The following EPG5 variants were observed in gnomAD, a reference collection of about 807,000 sequenced individuals.
EPG5 encodes the protein ectopic P-granules 5 autophagy tethering factor, also known as ectopic P granules protein 5 homolog.
Under a neutral mutation model 302.7 loss-of-function variants are expected in EPG5, and 159 were observed. The observed-to-expected ratio is 0.53, with a 90% confidence interval of 0.46 to 0.60. EPG5 has a LOEUF of 0.60. Among genes scored for constraint, EPG5 ranks in the 20% least tolerant of loss-of-function variants. The pLI, the probability that EPG5 is intolerant of heterozygous loss-of-function variation, is 0.00. For synonymous variants in EPG5, 1,158 were observed against 1,136.8 expected (o/e 1.02, Z -0.37); for missense variants, 2,896 against 3,092.4 (o/e 0.94, Z 1.51).
In EPG5 at chr18:45,951,183, A is replaced by G. The variant is rs2050900008; in HGVS notation, c.1308T>C (p.Ile436=). The G allele has an allele frequency of 1.9e-6, 3 of 1,595,140 alleles. No homozygotes were observed. Among genetic ancestry groups the G allele is most frequent in the Admixed American group, 3.5e-5 (2 of 57,064 alleles). Residue 436 remains isoleucine, a synonymous_variant, in exon 4 of 44, where the codon ATT becomes ATC. Coordinates refer to ENST00000282041, the MANE Select transcript of EPG5 (RefSeq NM_020964.3). ...TCCTGGTGAACATGAATAAGACACT[A>G]ATGCATTCCTTTAGTTGACACAGAT... The part of the protein sequence containing the change: ...PSDLCQLKEC[I]SVLFMFTRRV...
downstream of EPG5, among the ~76,000 whole-genome samples, chr18:45,844,385 A>T (rs913432528): frequency 6.6e-6 from 1 of 152,166 alleles, no homozygotes; most frequent in African/African-American, 2.4e-5. Context: ...AACTTATTGT[A>T]TATTTTAAAA....
rs770393720 is a variant in EPG5, at chr18:45,852,569, A to G, written c.7638T>C (p.Phe2546=). The G allele has an allele frequency of 6.2e-7, 1 of 1,614,220 alleles. No homozygotes were observed. The highest frequency in any genetic ancestry group is 8.5e-7 in the Non-Finnish European group (1 of 1,180,012). ...GAAGGCAATGGCCAGGATGCCTTATAAATTGGGTGGCTTGCAATATTTGAT... is the reference window on the plus strand; with the variant it reads ...GAAGGCAATGGCCAGGATGCCTTATGAATTGGGTGGCTTGCAATATTTGAT... ...YQDQILQATQ[F]IRHPGHCLQD... Residue 2546 remains phenylalanine (F), a synonymous_variant, in exon 44 of 44, where the codon TTT becomes TTC. Coordinates refer to ENST00000282041, the MANE Select transcript of EPG5 (RefSeq NM_020964.3).
chr18:45,883,105 A>C (rs1201513280), intron 30 of EPG5, among the ~76,000 whole-genome samples: 1 of 151,700 alleles, frequency 6.6e-6, no homozygotes, highest in Non-Finnish European at 1.5e-5. Flanking sequence ...AGAGTTTTCT[A>C]AGCTCTGTGT....
intron 24 of EPG5, among the ~76,000 whole-genome samples, chr18:45,905,356 T>C (rs1215158172): frequency 6.6e-6 from 1 of 152,192 alleles, no homozygotes; most frequent in Non-Finnish European, 1.5e-5. Flanking sequence ...CCTTGGCTTC[T>C]CAATAAGCAT....
Position 45,939,584 on chromosome 18 carries a change from CAT to C in EPG5, c.2099+14_2099+15del. The C allele has an allele frequency of 1.2e-6, 2 of 1,613,060 alleles. No homozygotes were observed. The highest frequency in any genetic ancestry group is 1.1e-5 in the South Asian group (1 of 90,966). On this transcript the variant is annotated intron_variant, in intron 10 of 43. Coordinates refer to ENST00000282041, the MANE Select transcript of EPG5 (RefSeq NM_020964.3). ...GAAGTTACTTCTCACTAAATATCAT[CAT>C]ATGTCTTACTTACCTTTTGGCCTTC...
chr18:45,865,800 A>G, intron 38 of EPG5, 41 bp from the exon 39 acceptor site: 1 of 1,592,222 alleles, frequency 6.3e-7, no homozygotes, highest in Non-Finnish European at 8.5e-7. Context: ...AATGAATCCA[A>G]GCAAGGAGTG....
At chr18:45,917,645 A>C in intron 17 of EPG5, 34 bp downstream of exon 17, 1 of 1,611,856 alleles carries the variant, frequency 6.2e-7, no homozygotes, top group Non-Finnish European at 8.5e-7. Flanking sequence ...GGACTGTTTA[A>C]GAGTGTCTCC....
At chr18:45,906,884 G>A (rs1267821748) in intron 24 of EPG5, among the ~76,000 whole-genome samples, 5 of 152,144 alleles carry the variant, frequency 3.3e-5, no homozygotes, top group Admixed American at 3.3e-4. Context: ...TTGAACTCCT[G>A]GCCTCAGGTG....
chr18:45,894,599 C>T (rs962395535), intron 27 of EPG5, among the ~76,000 whole-genome samples: 1 of 152,172 alleles, frequency 6.6e-6, no homozygotes, highest in South Asian at 2.1e-4. Flanking sequence ...CATCTCAATT[C>T]GACTGCAAGA....
intron 27 of EPG5, among the ~76,000 whole-genome samples, chr18:45,895,116 G>C (rs1027035735): frequency 1.3e-5 from 2 of 152,188 alleles, no homozygotes; most frequent in Admixed American, 6.6e-5. Flanking sequence ...AACCAATATG[G>C]AAGCAACTTT....
chr18:45,901,195 G>A (rs2049609197), intron 25 of EPG5, 28 bp from the exon 26 acceptor site: 2 of 1,590,286 alleles, frequency 1.3e-6, no homozygotes, highest in Non-Finnish European at 1.7e-6. Flanking sequence ...CATATATACT[G>A]AGCAATCAGG....
chr18:45,858,326 A>T (rs1289182900), intron 41 of EPG5, among the ~76,000 whole-genome samples: 1 of 152,220 alleles, frequency 6.6e-6, no homozygotes, highest in Non-Finnish European at 1.5e-5. Flanking sequence ...TACTATCTCC[A>T]CTTAACTGGT....
downstream of EPG5, among the ~76,000 whole-genome samples, chr18:45,847,327 G>A (rs1016251297): frequency 6.6e-6 from 1 of 152,122 alleles, no homozygotes; most frequent in African/African-American, 2.4e-5. Flanking sequence ...CCTCATTTGT[G>A]CAATTTTTAT....
chr18:45,837,759 C>A, the EPG5 span: 2 of 1,519,504 alleles, frequency 1.3e-6, no homozygotes, highest in South Asian at 2.4e-5. Flanking sequence ...CTGGGCAACC[C>A]GCGCCGCAAC....
chr18:45,965,033 A>G (rs1334916032), intron 1 of EPG5, among the ~76,000 whole-genome samples: 1 of 152,188 alleles, frequency 6.6e-6, no homozygotes, highest in Non-Finnish European at 1.5e-5. Context: ...ACCTGGATAC[A>G]CCAATGTGTC....
intron 11 of EPG5, among the ~76,000 whole-genome samples, chr18:45,932,681 C>A (rs1396957441): frequency 6.6e-6 from 1 of 152,134 alleles, no homozygotes; most frequent in Admixed American, 6.5e-5. Context: ...GAAAAAACAG[C>A]AAATTAGAGC....
intron 42 of EPG5, 88 bp from the exon 43 acceptor site, chr18:45,855,775 A>G: frequency 1.3e-6 from 1 of 784,444 alleles, no homozygotes. Flanking sequence ...TGACATAAAA[A>G]GATGAACACA....
intron 17 of EPG5, 93 bp downstream of exon 17, chr18:45,917,586 C>A: frequency 6.8e-7 from 1 of 1,475,262 alleles, no homozygotes; most frequent in Middle Eastern, 2.2e-4. Context: ...AAATAGCATT[C>A]CCTTTATTTT....
rs770404883 is a variant in EPG5 at position 45,904,129 on chromosome 18, C to T, written c.4330-12G>A. 1.6e-5 allele frequency: 25 copies of T among 1,606,154 alleles called. No homozygotes were observed. Among genetic ancestry groups the T allele is most frequent in the African/African-American group, 1.2e-4 (9 of 74,512 alleles). ...TCCATCCACAGATCCTGAAACAGAA[C>T]GACAGTACTTTAACTCTGACAGACA... On this transcript the variant is annotated splice_polypyrimidine_tract_variant and intron_variant, in intron 24 of 43. Transcript: ENST00000282041.
Sources: allele counts gnomAD v4.1 joint callset (sites outside exome capture counted in the v4.1 genomes callset), GRCh38; gene constraint gnomAD v4.1.1; transcripts MANE v1.5; gene names NCBI Gene and HGNC (gene_info 2026-07-23, HGNC 2026-07-21).